The following POLR3D variants were observed in gnomAD, a reference collection of about 807,000 sequenced individuals.
POLR3D encodes DNA-directed RNA polymerase III subunit RPC4.
In POLR3D, 42 loss-of-function variants were observed where a neutral mutation model predicts 44.5. The observed-to-expected ratio is 0.94, with a 90% CI of 0.74 to 1.22. The LOEUF (loss-of-function observed/expected upper bound fraction) is 1.22. Ranked by LOEUF, POLR3D falls within the 50% of genes most tolerant of loss-of-function variation. The pLI is 0.00. For synonymous variants in POLR3D, 217 were observed against 198.1 expected (o/e 1.10, Z -0.80); for missense variants, 507 against 505.2 (o/e 1.00, Z -0.03).
rs1830069660 is a variant in POLR3D, at chr8:22,248,795, G to A, written c.655+146G>A. The A allele has an allele frequency of 2.2e-5, 20 of 894,870 alleles. No individual in the cohort carries two copies. In the South Asian group the frequency reaches 3.2e-4, roughly 14 times the overall value. 55.4% of individuals were successfully genotyped at this position (894,870 alleles called of 1,614,324 possible). A position where few individuals can be genotyped will look rare whatever the true frequency, so the allele number is the denominator to read the frequency against. On this transcript the variant is annotated intron_variant, in intron 6 of 8. Transcript: ENST00000306433. ...CTGTAAGATACATGAGCTGAACAAAGATGCTCCATTCTCCCTCGCAGAGGG... is the reference window on the plus strand; with the variant it reads ...CTGTAAGATACATGAGCTGAACAAAAATGCTCCATTCTCCCTCGCAGAGGG...
At position 22,248,631 on chromosome 8, in the gene POLR3D, G is replaced by T; in HGVS notation, c.637G>T (p.Asp213Tyr). Residue 213 changes from aspartate to tyrosine, a missense_variant, in exon 6 of 9, where the codon GAC becomes TAC. Coordinates refer to ENST00000306433, the MANE Select transcript of POLR3D (RefSeq NM_001722.3). ...CCCCAAGGAAGAGGACATGGAGGTG[G>T]ACATACCTGCTGTGAAAGGTACTCT... ...AGPKEEDMEV[D>Y]IPAVKVKEEP... 1 of 1,613,612 alleles carries T rather than the reference G, an allele frequency of 6.2e-7. No individual in the cohort carries two copies. Among genetic ancestry groups the T allele is most frequent in the Non-Finnish European group, 8.5e-7 (1 of 1,179,882 alleles).
At chr8:22,247,344 T>C in intron 3 of POLR3D, 80 bp downstream of exon 3, 1 of 1,048,464 alleles carries the variant, frequency 9.5e-7, no homozygotes. Flanking sequence ...TAACTAGGTT[T>C]GTAGCTCCAA....
intron 2 of POLR3D, among the ~76,000 whole-genome samples, chr8:22,246,398 G>A (rs1035140109): frequency 2.0e-5 from 3 of 151,864 alleles, no homozygotes; most frequent in Non-Finnish European, 4.4e-5. Context: ...CCAAGGTGCT[G>A]GGATTACAGG....
chr8:22,248,734 CT>C (rs1222611772), intron 6 of POLR3D, 85 bp downstream of exon 6: 148 of 1,325,110 alleles, frequency 1.1e-4, no homozygotes, highest in Non-Finnish European at 1.5e-4. Flanking sequence ...GCATGTGCCC[CT>C]GACTGCTGCT....
rs1181550485 is a variant in POLR3D at position 22,250,661 on chromosome 8, A to G, written c.*143A>G. 2 of 984,170 alleles carry G rather than the reference A, an allele frequency of 2.0e-6. No individual in the cohort carries two copies. Among genetic ancestry groups the G allele is most frequent in the Non-Finnish European group, 3.1e-6 (2 of 646,114 alleles). The allele number at this position is 984,170 out of a possible 1,614,324, so 61.0% of individuals were successfully genotyped here. A position where few individuals can be genotyped will look rare whatever the true frequency, so the allele number is the denominator to read the frequency against. ...TGGCAACCATTGTTCCAGGTCCCCC[A>G]GGGCTTCCTCCCACAGCAGCTGTGA... On this transcript the variant is annotated 3_prime_UTR_variant, in exon 9 of 9. Coordinates refer to ENST00000306433, the MANE Select transcript of POLR3D (RefSeq NM_001722.3).
chr8:22,250,606 G>T lies in POLR3D; in HGVS notation c.*88G>T, dbSNP rs148553527. 34 of 1,533,840 alleles carry T rather than the reference G, an allele frequency of 2.2e-5. No homozygotes were observed. The highest frequency in any genetic ancestry group is 2.9e-5 in the Non-Finnish European group (33 of 1,119,486). ...TTCTTGAATCTGTGAGACCCAGAAG[G>T]GGCCCACTGAGCCCACTCACTCCAG... On this transcript the variant is annotated 3_prime_UTR_variant, in exon 9 of 9. Coordinates refer to ENST00000306433, the MANE Select transcript of POLR3D (RefSeq NM_001722.3).
chr8:22,250,533 G>T lies in POLR3D; in HGVS notation c.*15G>T. ...AACACCGGTAAAATGAGCAGGTGGA[G>T]GAGGACGGCGCCTGTGCCCACGGCT... On this transcript the variant is annotated 3_prime_UTR_variant, in exon 9 of 9. Transcript: ENST00000306433. 1.2e-6 allele frequency: 2 copies of T among 1,614,070 alleles called. No individual in the cohort carries two copies. Among genetic ancestry groups the T allele is most frequent in the Non-Finnish European group, 8.5e-7 (1 of 1,179,982 alleles).
At chr8:22,247,605 C>T (rs1431324339) in intron 3 of POLR3D, among the ~76,000 whole-genome samples, 4 of 152,162 alleles carry the variant, frequency 2.6e-5, no homozygotes, top group Admixed American at 2.6e-4. Context: ...TTTCTGCCTT[C>T]CTGCTTTCAG....
chr8:22,250,109 C>G lies in POLR3D; in HGVS notation c.956C>G (p.Ala319Gly), dbSNP rs889911474. ...AKLAENACTL[A>G]DLTEGQVGKL... ...TTGGCAGAGAATGCTTGTACCCTGG[C>G]TGACCTGACAGAGGGTCAGGTTGGC... is the stretch of plus-strand genomic sequence containing the variant. The change falls in exon 8 of 9, where the codon GCT becomes GGT. Residue 319 changes from alanine to glycine, a missense_variant. Coordinates refer to ENST00000306433, the MANE Select transcript of POLR3D (RefSeq NM_001722.3). The G allele has an allele frequency of 1.2e-6, 2 of 1,614,040 alleles. No individual in the cohort carries two copies. Among genetic ancestry groups the G allele is most frequent in the Non-Finnish European group, 1.7e-6 (2 of 1,180,044 alleles).
Position 22,250,793 on chromosome 8 carries a change from C to T in POLR3D, c.*275C>T. 1 of 423,970 alleles carries T rather than the reference C, an allele frequency of 2.4e-6. No homozygotes were observed. The allele number at this position is 423,970 out of a possible 1,614,324, so 26.3% of individuals were successfully genotyped here. Reference sequence around the variant, plus strand: ...TATGTCTTAATCTCTTCCACTGATGCATCCTCCAAGGGTAGATGGGGAGGG... The same window carrying T: ...TATGTCTTAATCTCTTCCACTGATGTATCCTCCAAGGGTAGATGGGGAGGG... On this transcript the variant is annotated 3_prime_UTR_variant, in exon 9 of 9. Coordinates refer to ENST00000306433, the MANE Select transcript of POLR3D (RefSeq NM_001722.3).
At position 22,249,949 on chromosome 8, in the gene POLR3D, A is replaced by G; in HGVS notation, c.922-126A>G. The G allele has an allele frequency of 2.1e-6, 2 of 959,396 alleles. 1 individual carries two copies. Among genetic ancestry groups the G allele is most frequent in the South Asian group, 3.2e-5 (2 of 61,946 alleles). 59.4% of individuals were successfully genotyped at this position (959,396 alleles called of 1,614,324 possible). On this transcript the variant is annotated intron_variant, in intron 7 of 8. Transcript: ENST00000306433. ...TAACCATAGCAGACAGCCCTAGGAG[A>G]AGGCACTCTTTGGGGAGCTCATTTT...
Position 22,251,022 on chromosome 8 carries a change from C to G in POLR3D, c.*504C>G, listed in dbSNP as rs1126691. On this transcript the variant is annotated 3_prime_UTR_variant, in exon 9 of 9. Coordinates refer to ENST00000306433, the MANE Select transcript of POLR3D (RefSeq NM_001722.3). Reference sequence around the variant, plus strand: ...TCCTTGGACAAACTACCTAACCTTTCTGAGCCTCCTATACCTCATCCGACA... The same window carrying G: ...TCCTTGGACAAACTACCTAACCTTTGTGAGCCTCCTATACCTCATCCGACA... The G allele has an allele frequency of 1.2e-5, 2 of 171,824 alleles. No individual in the cohort carries two copies. Among genetic ancestry groups the G allele is most frequent in the South Asian group, 3.0e-4 (2 of 6,716 alleles). 10.6% of individuals were successfully genotyped at this position (171,824 alleles called of 1,614,324 possible). A position where few individuals can be genotyped will look rare whatever the true frequency, so the allele number is the denominator to read the frequency against.
intron 2 of POLR3D, among the ~76,000 whole-genome samples, chr8:22,246,377 G>T (rs1425138391): frequency 1.3e-5 from 2 of 150,436 alleles, no homozygotes; most frequent in African/African-American, 4.9e-5. Context: ...CCGCCCGCCT[G>T]CCTCGACCTC....
At position 22,248,535 on chromosome 8, in the gene POLR3D, C is replaced by A. The variant is rs1385322631; in HGVS notation, c.541C>A (p.Pro181Thr). ...NDTRNMPVQL[P>T]LAHSGWLFKE... ...CACTCGAAATATGCCTGTGCAGCTG[C>A]CGCTGGCTCACTCAGGATGGCTTTT... The change falls in exon 6 of 9, where the codon CCG (proline) becomes ACG (threonine). Residue 181 changes from proline to threonine, a missense_variant. Physicochemically the swap from Pro to Thr is conservative, Grantham distance 38 (BLOSUM62 -1). Coordinates refer to ENST00000306433, the MANE Select transcript of POLR3D (RefSeq NM_001722.3). 5 of 1,614,180 alleles carry A rather than the reference C, an allele frequency of 3.1e-6. No individual in the cohort carries two copies. Among genetic ancestry groups the A allele is most frequent in the Admixed American group, 1.7e-5 (1 of 60,020 alleles).
At chr8:22,249,438 C>T in intron 7 of POLR3D, 129 bp downstream of exon 7, 2 of 939,872 alleles carry the variant, frequency 2.1e-6, no homozygotes, top group Non-Finnish European at 3.2e-6. Context: ...TTCTTGACGC[C>T]TGCAAGAGCC....
rs1830048225 is a variant in POLR3D at position 22,246,791 on chromosome 8, A to G, written c.166-430A>G. Among the ~76,000 whole-genome samples the G allele has an allele frequency of 2.0e-5, 3 of 152,234 alleles. No individual in the cohort carries two copies. The South Asian group carries it at 6.2e-4, about 32-fold the overall frequency. ...AACTTTGCCTTGGAAAATTGTGGTGACAGTCCATAGTCACCTGATTGAAAG... is the reference window on the plus strand; with the variant it reads ...AACTTTGCCTTGGAAAATTGTGGTGGCAGTCCATAGTCACCTGATTGAAAG... On this transcript the variant is annotated intron_variant, in intron 2 of 8. Coordinates refer to ENST00000306433, the MANE Select transcript of POLR3D (RefSeq NM_001722.3).
At chr8:22,245,762 C>G (rs1362580889) in intron 2 of POLR3D, 148 bp downstream of exon 2, 3 of 477,746 alleles carry the variant, frequency 6.3e-6, no homozygotes, top group African/African-American at 6.0e-5. Flanking sequence ...GGGAGTCTGT[C>G]CTACCTTCAA....
Position 22,248,006 on chromosome 8 carries a change from A to G in POLR3D, c.359A>G (p.Lys120Arg). Residue 120 changes from lysine (K) to arginine (R), a missense_variant and splice_region_variant, in exon 4 of 9, where the codon AAA becomes AGA. Lys to Arg is a conservative substitution (Grantham distance 26). Coordinates refer to ENST00000306433, the MANE Select transcript of POLR3D (RefSeq NM_001722.3). ...GGCCCAGCTGAAATGATGAAGAAAA[A>G]AGGTATAAGGAAGGAATCAGTGAAT... ...EQGPAEMMKK[K>R]GNWDKTVDVS... 6.2e-7 allele frequency: 1 copy of G among 1,613,446 alleles called. No individual in the cohort carries two copies. Among genetic ancestry groups the G allele is most frequent in the Non-Finnish European group, 8.5e-7 (1 of 1,179,594 alleles).
In POLR3D at chr8:22,250,908, G is replaced by A. The variant is rs1156853686; in HGVS notation, c.*390G>A. 3.8e-5 allele frequency: 10 copies of A among 262,972 alleles called. No homozygotes were observed. The highest frequency in any genetic ancestry group is 3.4e-4 in the East Asian group (4 of 11,656). 16.3% of individuals were successfully genotyped at this position (262,972 alleles called of 1,614,324 possible). Reference sequence around the variant, plus strand: ...TGCAGCTTCTGCTGGTGCTCCCCCCGTCCTCCTGGAGGCAGTATAGGAGAG... The same window carrying A: ...TGCAGCTTCTGCTGGTGCTCCCCCCATCCTCCTGGAGGCAGTATAGGAGAG... On this transcript the variant is annotated 3_prime_UTR_variant, in exon 9 of 9. Transcript: ENST00000306433.
Sources: gnomAD v4.1 joint callset for allele counts (sites outside exome capture counted in the v4.1 genomes callset) on GRCh38, gnomAD v4.1.1 for gene constraint, MANE v1.5 for transcripts, NCBI Gene and HGNC (gene_info 2026-07-23, HGNC 2026-07-21) for gene names.